The following ANKS3 variants were observed in gnomAD, a reference collection of about 807,000 sequenced individuals.
The protein encoded by ANKS3 is ankyrin repeat and sterile alpha motif domain containing 3.
ANKS3 carries 62 observed loss-of-function variants against 80.7 expected under a neutral mutation model. The ratio of observed to expected loss-of-function variants is 0.77; its 90% CI spans 0.63 to 0.95. The LOEUF is 0.95. Among genes scored for constraint, ANKS3 ranks in the 40% least tolerant of loss-of-function variants. The probability of loss-of-function intolerance (pLI) is 0.00; values close to 1 mark genes in which losing one functional copy is unlikely to be tolerated. For synonymous variants in ANKS3, 489 were observed against 355.3 expected (o/e 1.38, Z -4.23); for missense variants, 1,150 against 883.6 (o/e 1.30, Z -3.82).
At chr16:4,716,584 A>G (rs2080809788) in intron 6 of ANKS3, among the ~76,000 whole-genome samples, 1 of 151,852 alleles carries the variant, frequency 6.6e-6, no homozygotes. Context: ...CCTACTTTTG[A>G]CTCTGATTAA....
At chr16:4,720,890 T>C (rs8051765) in intron 6 of ANKS3, among the ~76,000 whole-genome samples, 6,910 of 149,248 alleles carry the variant, frequency 0.046, 515 homozygotes, top group African/African-American at 0.16. Context: ...TGAGCCGAGA[T>C]TGCGCCACTG....
At chr16:4,733,365 C>A (rs971162345) in intron 1 of ANKS3, among the ~76,000 whole-genome samples, 3 of 151,874 alleles carry the variant, frequency 2.0e-5, no homozygotes, top group African/African-American at 7.3e-5. Context: ...GATCTCGGCT[C>A]AATGCAACCT....
chr16:4,710,464 T>C (rs2080424773), intron 7 of ANKS3, among the ~76,000 whole-genome samples: 1 of 152,146 alleles, frequency 6.6e-6, no homozygotes, highest in Non-Finnish European at 1.5e-5. Flanking sequence ...TCCCAGCACT[T>C]TGGGAGGCTG....
Position 4,733,918 on chromosome 16 carries a change from C to G in ANKS3, c.-71+20G>C. The G allele has an allele frequency of 1.0e-6, 1 of 985,494 alleles. No homozygotes were observed. Among genetic ancestry groups the G allele is most frequent in the Non-Finnish European group, 1.2e-6 (1 of 829,964 alleles). 61.0% of individuals were successfully genotyped at this position (985,494 alleles called of 1,614,324 possible). Reference sequence around the variant, plus strand: ...CACTGGCCCCGGGGCGGGTCCCTGGCCGACAAACCCGTAACTCACAGCAGT... The same window carrying G: ...CACTGGCCCCGGGGCGGGTCCCTGGGCGACAAACCCGTAACTCACAGCAGT... On this transcript the variant is annotated intron_variant, in intron 1 of 17. Coordinates refer to ENST00000304283, the MANE Select transcript of ANKS3 (RefSeq NM_133450.4).
Position 4,698,378 on chromosome 16 carries a change from G to A in ANKS3, c.1724+49C>T, listed in dbSNP as rs187447720. 420 of 1,439,580 alleles carry A rather than the reference G, an allele frequency of 2.9e-4. 3 individuals carry two copies. In the African/African-American group the frequency reaches 5.2e-3, roughly 18 times the overall value. 89.2% of individuals were successfully genotyped at this position (1,439,580 alleles called of 1,614,324 possible). On this transcript the variant is annotated intron_variant, in intron 14 of 17. Coordinates refer to ENST00000304283, the MANE Select transcript of ANKS3 (RefSeq NM_133450.4). ...AGGATGTGTGGGGGCCCAGGGGCCA[G>A]GTGGCTGACCACTGGAGACCCAGCC... is the stretch of plus-strand genomic sequence containing the variant.
In ANKS3 at chr16:4,697,384, T is replaced by C. The variant is rs781408628; in HGVS notation, c.1843A>G (p.Met615Val). Reference sequence around the variant, plus strand: ...GCTCCCGAGAGCTCGGGGAGGCTCATGGCCTGCAGGGACGCTTGCCAGCCC... The same window carrying C: ...GCTCCCGAGAGCTCGGGGAGGCTCACGGCCTGCAGGGACGCTTGCCAGCCC... ...SKGWQASLQAMSLPELSGALE... is the reference protein window; with the variant it reads ...SKGWQASLQAVSLPELSGALE... Residue 615 changes from methionine (M) to valine (V), a missense_variant, in exon 16 of 18, where the codon ATG becomes GTG. By Grantham distance (21) the Met-to-Val change is conservative. Coordinates refer to ENST00000304283, the MANE Select transcript of ANKS3 (RefSeq NM_133450.4). 4.3e-6 allele frequency: 7 copies of C among 1,610,044 alleles called. No homozygotes were observed. Among genetic ancestry groups the C allele is most frequent in the Non-Finnish European group, 5.9e-6 (7 of 1,178,474 alleles).
intron 16 of ANKS3, 31 bp downstream of exon 16, chr16:4,697,302 G>A: frequency 6.3e-7 from 1 of 1,578,228 alleles, no homozygotes; most frequent in South Asian, 1.1e-5. Flanking sequence ...AACAAAAGGA[G>A]CGCTCAGTCG....
chr16:4,726,651 G>A lies in ANKS3; in HGVS notation c.491+8C>T, dbSNP rs762195955. On this transcript the variant is annotated splice_region_variant and intron_variant, in intron 5 of 17. Coordinates refer to ENST00000304283, the MANE Select transcript of ANKS3 (RefSeq NM_133450.4). ...CACTCCTGTGGCCACTAAAGATGTG[G>A]CAATCACCTCACGTTGGCATTGGCT... 7 of 1,612,998 alleles carry A rather than the reference G, an allele frequency of 4.3e-6. No homozygotes were observed. Among genetic ancestry groups the A allele is most frequent in the Non-Finnish European group, 5.9e-6 (7 of 1,179,170 alleles).
chr16:4,699,497 C>G, intron 11 of ANKS3: 2 of 339,614 alleles, frequency 5.9e-6, no homozygotes, highest in East Asian at 1.2e-4. Flanking sequence ...AGGCGGAGAG[C>G]GCTGCCCTCT....
chr16:4,702,743 CAAT>C (rs2142040225), intron 8 of ANKS3, among the ~76,000 whole-genome samples: 1 of 152,044 alleles, frequency 6.6e-6, no homozygotes, highest in South Asian at 2.1e-4. Context: ...AAATTAACAA[CAAT>C]AATATGAAAT....
At position 4,697,019 on chromosome 16, in the gene ANKS3, G is replaced by GC. The variant is rs749101986; in HGVS notation, c.*8dup. The GC allele has an allele frequency of 1.2e-6, 2 of 1,611,400 alleles. No individual in the cohort carries two copies. Among genetic ancestry groups the GC allele is most frequent in the Non-Finnish European group, 1.7e-6 (2 of 1,179,248 alleles). Reference sequence around the variant, plus strand: ...GATCCAGGCTGGCAGACACTCACCGGCCCGCAGGCTAGGTCTCCCGCCACT... The same window carrying GC: ...GATCCAGGCTGGCAGACACTCACCGGCCCCGCAGGCTAGGTCTCCCGCCACT... On this transcript the variant is annotated 3_prime_UTR_variant, in exon 17 of 18. Coordinates refer to ENST00000304283, the MANE Select transcript of ANKS3 (RefSeq NM_133450.4).
chr16:4,720,810 G>A (rs761204773), intron 6 of ANKS3, among the ~76,000 whole-genome samples: 49 of 150,216 alleles, frequency 3.3e-4, no homozygotes, highest in African/African-American at 6.3e-4. Flanking sequence ...GGTGGCACAC[G>A]CCTGTAATCC....
intron 3 of ANKS3, among the ~76,000 whole-genome samples, chr16:4,728,846 C>G (rs1462935733): frequency 1.3e-5 from 2 of 152,216 alleles, no homozygotes; most frequent in Non-Finnish European, 2.9e-5. Flanking sequence ...TGCCTAGAGC[C>G]TCCTGTGGAG....
In ANKS3 at chr16:4,698,994, T is replaced by C. The variant is rs528487941; in HGVS notation, c.1410-53A>G. 3.6e-4 allele frequency: 588 copies of C among 1,613,920 alleles called. 3 individuals are homozygous for C. The African/African-American group carries it at 7.1e-3, about 19-fold the overall frequency. On this transcript the variant is annotated intron_variant, in intron 12 of 17. Transcript: ENST00000304283. ...CCTCAGCGTCCCAAGAGCGCTTACA[T>C]GAGTGGGAGTTTGCCCCAACCCCGG...
At chr16:4,726,089 C>A (rs2081337065) in intron 5 of ANKS3, among the ~76,000 whole-genome samples, 2 of 151,892 alleles carry the variant, frequency 1.3e-5, no homozygotes, top group Non-Finnish European at 2.9e-5. Context: ...CATTCTCTTG[C>A]CTCAGCCTCC....
chr16:4,725,611 A>G (rs1488822085), intron 5 of ANKS3, among the ~76,000 whole-genome samples: 5 of 152,180 alleles, frequency 3.3e-5, no homozygotes, highest in Non-Finnish European at 5.9e-5. Flanking sequence ...TTATCATGAC[A>G]AGCTTTAGAC....
At chr16:4,729,670 T>G (rs1451661284) in intron 3 of ANKS3, 2 of 186,624 alleles carry the variant, frequency 1.1e-5, no homozygotes, top group Non-Finnish European at 2.2e-5. Flanking sequence ...CATCACTTTC[T>G]GTCTTTATTT....
At chr16:4,716,445 G>A (rs954309141) in intron 6 of ANKS3, among the ~76,000 whole-genome samples, 2 of 151,932 alleles carry the variant, frequency 1.3e-5, no homozygotes, top group Non-Finnish European at 2.9e-5. Context: ...GTTAGACCAG[G>A]GGGCCTCAAC....
Position 4,699,189 on chromosome 16 carries a change from G to C in ANKS3, c.1285-13C>G, listed in dbSNP as rs758034712. On this transcript the variant is annotated splice_polypyrimidine_tract_variant and intron_variant, in intron 11 of 17. Coordinates refer to ENST00000304283, the MANE Select transcript of ANKS3 (RefSeq NM_133450.4). ...GTGCGGCAAGGTCCTGGCAGGCACAGGGGACAGGTTGGGGGAGGTAGTGGC... is the reference window on the plus strand; with the variant it reads ...GTGCGGCAAGGTCCTGGCAGGCACACGGGACAGGTTGGGGGAGGTAGTGGC... 6.2e-7 allele frequency: 1 copy of C among 1,613,474 alleles called. No individual in the cohort carries two copies. The highest frequency in any genetic ancestry group is 1.1e-5 in the South Asian group (1 of 91,018).
Sources: allele counts gnomAD v4.1 joint callset (sites outside exome capture counted in the v4.1 genomes callset), GRCh38; gene constraint gnomAD v4.1.1; transcripts MANE v1.5; gene names NCBI Gene and HGNC (gene_info 2026-07-23, HGNC 2026-07-21).